ZMAT4: variants seen among roughly 807,000 people sequenced by gnomAD.
The protein encoded by ZMAT4 is zinc finger matrin-type protein 4.
ZMAT4 carries 17 observed loss-of-function variants against 28.7 expected under a neutral mutation model. The observed-to-expected ratio is 0.59, with a 90% CI of 0.41 to 0.89. The LOEUF (loss-of-function observed/expected upper bound fraction) is 0.89. Among genes scored for constraint, ZMAT4 ranks in the 40% least tolerant of loss-of-function variants. The pLI is 0.00. For missense variants in ZMAT4, 240 were observed against 283.8 expected, an observed-to-expected ratio of 0.85 and a Z score of 1.11; for synonymous variants, 117 against 109.2, an observed-to-expected ratio of 1.07 and a Z score of -0.44.
intron 4 of ZMAT4, among the ~76,000 whole-genome samples, chr8:40,675,833 TG>T (rs1336522354): frequency 2.0e-5 from 3 of 152,316 alleles, no homozygotes; most frequent in East Asian, 3.9e-4. Context: ...GAAATAACAA[TG>T]TTTTTTTAAA....
At chr8:40,878,296 C>G (rs989343864) in intron 1 of ZMAT4, among the ~76,000 whole-genome samples, 2 of 152,102 alleles carry the variant, frequency 1.3e-5, no homozygotes, top group Non-Finnish European at 2.9e-5. Flanking sequence ...GGTGGCTCCC[C>G]CTCCTTGCCC....
chr8:40,832,566 G>C (rs1032585443), intron 1 of ZMAT4, among the ~76,000 whole-genome samples: 1 of 152,090 alleles, frequency 6.6e-6, no homozygotes, highest in Admixed American at 6.6e-5. Context: ...AAACAGCCTG[G>C]CCCCGAGCCC....
intron 5 of ZMAT4, among the ~76,000 whole-genome samples, chr8:40,617,098 G>C (rs1395263503): frequency 6.6e-6 from 1 of 152,100 alleles, no homozygotes; most frequent in East Asian, 1.9e-4. Flanking sequence ...GTGATATCGT[G>C]ACATGGTGTG....
intron 3 of ZMAT4, among the ~76,000 whole-genome samples, chr8:40,767,228 C>G (rs2150561122): frequency 6.6e-6 from 1 of 152,250 alleles, no homozygotes; most frequent in African/African-American, 2.4e-5. Context: ...AATTAACAAA[C>G]AAGACATTCT....
chr8:40,643,149 C>G (rs190402418), intron 5 of ZMAT4, among the ~76,000 whole-genome samples: 21 of 152,230 alleles, frequency 1.4e-4, no homozygotes, highest in African/African-American at 5.1e-4. Flanking sequence ...TGTGTTTAAC[C>G]AAGCACATGT....
chr8:40,804,402 A>C (rs10808944), intron 2 of ZMAT4, among the ~76,000 whole-genome samples: 86,388 of 151,962 alleles, frequency 0.57, 24,806 homozygotes, highest in East Asian at 0.66. Flanking sequence ...TGTCCTAAAA[A>C]AAAGGAAGTC....
intron 5 of ZMAT4, among the ~76,000 whole-genome samples, chr8:40,596,932 A>T (rs16889641): frequency 0.072 from 10,911 of 152,086 alleles, 862 homozygotes; most frequent in East Asian, 0.46. Context: ...TGGGATTTGA[A>T]TCTCAACTCC....
chr8:40,747,691 A>G (rs1385802240), intron 3 of ZMAT4, among the ~76,000 whole-genome samples: 1 of 152,200 alleles, frequency 6.6e-6, no homozygotes, highest in Non-Finnish European at 1.5e-5. Flanking sequence ...TGTTCAAGAC[A>G]TTGCAGGCCA....
intron 4 of ZMAT4, among the ~76,000 whole-genome samples, chr8:40,677,011 T>C (rs1808939469): frequency 6.6e-6 from 1 of 152,222 alleles, no homozygotes; most frequent in East Asian, 1.9e-4. Flanking sequence ...GGATTTATAA[T>C]TAGCTATTGT....
At chr8:40,767,428 A>T (rs1053396756) in intron 3 of ZMAT4, among the ~76,000 whole-genome samples, 14 of 152,138 alleles carry the variant, frequency 9.2e-5, no homozygotes, top group Non-Finnish European at 8.8e-5. Flanking sequence ...GTGCAATGTC[A>T]TCAAAAACTC....
chr8:40,758,497 A>G (rs144643191), intron 3 of ZMAT4, among the ~76,000 whole-genome samples: 156 of 152,354 alleles, frequency 1.0e-3, no homozygotes, highest in African/African-American at 3.7e-3. Context: ...CACGGTCATC[A>G]CCAGATTTTA....
At chr8:40,818,708 C>A (rs1246788146) in intron 2 of ZMAT4, among the ~76,000 whole-genome samples, 2 of 152,198 alleles carry the variant, frequency 1.3e-5, no homozygotes, top group South Asian at 2.1e-4. Context: ...GCCTAGCAGG[C>A]CCCGACAGTA....
chr8:40,789,882 A>G (rs1487856823), intron 2 of ZMAT4, among the ~76,000 whole-genome samples: 1 of 152,212 alleles, frequency 6.6e-6, no homozygotes, highest in Non-Finnish European at 1.5e-5. Flanking sequence ...CCAGAATATA[A>G]TGAGTAATTG....
chr8:40,664,425 A>G (rs1387365006), intron 5 of ZMAT4, among the ~76,000 whole-genome samples: 3 of 152,232 alleles, frequency 2.0e-5, no homozygotes, highest in Non-Finnish European at 2.9e-5. Context: ...TGACAAAACC[A>G]TAAAACCAGG....
chr8:40,708,571 TTCTCTCTCTCTCTC>T (rs36210172), intron 3 of ZMAT4, among the ~76,000 whole-genome samples: 187 of 121,028 alleles, frequency 1.5e-3, no homozygotes, highest in African/African-American at 4.4e-3. Flanking sequence ...TACACACTCT[TTCTCTCTCTCTCTC>T]TCTCTCTCTC....
chr8:40,795,788 G>A (rs1814571799), intron 2 of ZMAT4, among the ~76,000 whole-genome samples: 1 of 152,190 alleles, frequency 6.6e-6, no homozygotes, highest in Admixed American at 6.5e-5. Flanking sequence ...ACATTCTTGA[G>A]CATCCAAAGG....
At chr8:40,837,499 C>T (rs979460138) in intron 1 of ZMAT4, among the ~76,000 whole-genome samples, 1 of 152,178 alleles carries the variant, frequency 6.6e-6, no homozygotes, top group Admixed American at 6.5e-5. Flanking sequence ...AGTCACTTGG[C>T]ATGGCTGGGG....
intron 1 of ZMAT4, among the ~76,000 whole-genome samples, chr8:40,871,950 C>G (rs1363688381): frequency 1.3e-5 from 2 of 152,202 alleles, no homozygotes; most frequent in African/African-American, 4.8e-5. Flanking sequence ...AGAAATTCAT[C>G]TCAAATTTTA....
chr8:40,659,023 C>T (rs1808063453), intron 5 of ZMAT4, among the ~76,000 whole-genome samples: 1 of 152,036 alleles, frequency 6.6e-6, no homozygotes, highest in Non-Finnish European at 1.5e-5. Flanking sequence ...AAATGGATCC[C>T]CAAGACGTGG....
Sources: gnomAD v4.1 joint callset for allele counts (sites outside exome capture counted in the v4.1 genomes callset) on GRCh38, gnomAD v4.1.1 for gene constraint, MANE v1.5 for transcripts, NCBI Gene and HGNC (gene_info 2026-07-23, HGNC 2026-07-21) for gene names.